Variants in PRKN observed in about 807,000 individuals in gnomAD.
The protein encoded by PRKN is parkin RBR E3 ubiquitin protein ligase, also known as E3 ubiquitin-protein ligase parkin.
Under a neutral mutation model 59.5 loss-of-function variants are expected in PRKN, and 56 were observed. That is an observed-to-expected ratio of 0.94 (90% CI 0.76 to 1.18). The LOEUF (loss-of-function observed/expected upper bound fraction) is 1.18. Among genes scored for constraint, PRKN ranks in the 50% most tolerant of loss-of-function variants. The pLI is 0.00. For missense variants in PRKN, 657 were observed against 596.4 expected, an observed-to-expected ratio of 1.10 and a Z score of -1.06; for synonymous variants, 250 against 222.1, an observed-to-expected ratio of 1.13 and a Z score of -1.12.
intron 1 of PRKN, among the ~76,000 whole-genome samples, chr6:162,489,337 G>A (rs2128184513): frequency 6.6e-6 from 1 of 152,272 alleles, no homozygotes; most frequent in South Asian, 2.1e-4. Context: ...CATTTAGCTT[G>A]TTTCACAGAA....
At chr6:162,198,049 T>C (rs1404009125) in intron 4 of PRKN, among the ~76,000 whole-genome samples, 1 of 151,718 alleles carries the variant, frequency 6.6e-6, no homozygotes, top group Non-Finnish European at 1.5e-5. Flanking sequence ...AATACTGGAG[T>C]TGACATTTTG....
intron 7 of PRKN, among the ~76,000 whole-genome samples, chr6:161,640,455 A>C (rs12202700): frequency 0.24 from 37,032 of 152,160 alleles, 4,687 homozygotes; most frequent in Middle Eastern, 0.36. Context: ...GCTGTGTCGC[A>C]CAGACAGATG....
At chr6:162,381,163 A>G (rs1786464016) in intron 2 of PRKN, among the ~76,000 whole-genome samples, 1 of 152,124 alleles carries the variant, frequency 6.6e-6, no homozygotes, top group Admixed American at 6.6e-5. Flanking sequence ...TCAGCTCAAA[A>G]GACAGTGTCT....
At chr6:161,675,301 G>T (rs974984511) in intron 7 of PRKN, among the ~76,000 whole-genome samples, 6 of 152,104 alleles carry the variant, frequency 3.9e-5, no homozygotes, top group African/African-American at 1.4e-4. Context: ...GAAGATCACC[G>T]ACTAACTACG....
chr6:162,282,923 C>T (rs1163180497), intron 2 of PRKN, among the ~76,000 whole-genome samples: 1 of 151,890 alleles, frequency 6.6e-6, no homozygotes, highest in African/African-American at 2.4e-5. Context: ...AAAAAGACAC[C>T]TGGGAAATTA....
At chr6:162,509,522 G>A (rs1198037219) in intron 1 of PRKN, among the ~76,000 whole-genome samples, 1 of 152,060 alleles carries the variant, frequency 6.6e-6, no homozygotes, top group East Asian at 1.9e-4. Context: ...ATTCTCTCAG[G>A]TAAATCATGC....
chr6:162,220,451 G>A (rs1022368807), intron 3 of PRKN, among the ~76,000 whole-genome samples: 1 of 152,092 alleles, frequency 6.6e-6, no homozygotes, highest in Non-Finnish European at 1.5e-5. Context: ...CAGAGTTCAT[G>A]GGGGAAAAAT....
At chr6:162,576,553 T>C (rs1460106574) in intron 1 of PRKN, among the ~76,000 whole-genome samples, 1 of 152,182 alleles carries the variant, frequency 6.6e-6, no homozygotes, top group Non-Finnish European at 1.5e-5. Flanking sequence ...GGCTCACGCC[T>C]GTAATTCCAG....
chr6:161,670,023 T>C (rs1398953379), intron 7 of PRKN, among the ~76,000 whole-genome samples: 1 of 152,192 alleles, frequency 6.6e-6, no homozygotes, highest in African/African-American at 2.4e-5. Flanking sequence ...GACATAGGAA[T>C]GTGTGTTAGA....
chr6:161,776,671 C>T (rs1789939097), intron 7 of PRKN, among the ~76,000 whole-genome samples: 1 of 152,144 alleles, frequency 6.6e-6, no homozygotes, highest in South Asian at 2.1e-4. Context: ...ATGGCCTTGG[C>T]ATTGGGATCT....
Position 161,414,223 on chromosome 6 carries a change from A to G in PRKN, c.1084-27346T>C, listed in dbSNP as rs553493558. 6.6e-6 allele frequency among the ~76,000 whole-genome samples: 1 copy of G among 152,296 alleles called. No individual in the cohort carries two copies. The highest frequency in any genetic ancestry group is 1.5e-5 in the Non-Finnish European group (1 of 68,032). On this transcript the variant is annotated intron_variant, in intron 9 of 11. Coordinates refer to ENST00000366898, the MANE Select transcript of PRKN (RefSeq NM_004562.3). This position sits in a 1 kb window ranked among gnomAD's most constrained non-coding sequence, Gnocchi z 5.3. ...CAATTTTGCAGAAGAGGCTCTTTCC[A>G]GCATTTTCTCCCCAGATGTCAGAGC...
intron 5 of PRKN, among the ~76,000 whole-genome samples, chr6:162,043,736 G>C (rs776102205): frequency 1.3e-5 from 2 of 152,188 alleles, no homozygotes; most frequent in Non-Finnish European, 2.9e-5. Flanking sequence ...CAACAGAAAA[G>C]GGTCCTCAGT....
At chr6:162,539,384 T>C (rs751653947) in intron 1 of PRKN, among the ~76,000 whole-genome samples, 18 of 152,212 alleles carry the variant, frequency 1.2e-4, no homozygotes, top group Admixed American at 2.6e-4. Context: ...GTCCCTGATA[T>C]GTCAATTTGC....
chr6:161,596,190 G>A (rs896160650), intron 7 of PRKN, among the ~76,000 whole-genome samples: 2 of 152,088 alleles, frequency 1.3e-5, no homozygotes, highest in African/African-American at 4.8e-5. Flanking sequence ...TTGAGCATGA[G>A]GCAGAACGCA....
At chr6:161,813,689 G>A (rs1451336495) in intron 6 of PRKN, among the ~76,000 whole-genome samples, 3 of 152,254 alleles carry the variant, frequency 2.0e-5, no homozygotes, top group Non-Finnish European at 2.9e-5. Context: ...CCTGATCTCT[G>A]GCTGCCAGCT....
At chr6:162,060,483 A>C (rs1431889416) in intron 4 of PRKN, among the ~76,000 whole-genome samples, 1 of 152,238 alleles carries the variant, frequency 6.6e-6, no homozygotes, top group Non-Finnish European at 1.5e-5. Context: ...ATGACCCCAC[A>C]GAGGGAAAGC....
chr6:161,634,142 C>T (rs541361753), intron 7 of PRKN, among the ~76,000 whole-genome samples: 15 of 152,086 alleles, frequency 9.9e-5, no homozygotes, highest in East Asian at 7.8e-4. Flanking sequence ...TGAGTCAGAA[C>T]GGAGAAACGG....
At chr6:161,537,697 C>A (rs541942664) in intron 9 of PRKN, among the ~76,000 whole-genome samples, 3 of 152,150 alleles carry the variant, frequency 2.0e-5, no homozygotes, top group African/African-American at 7.2e-5. Flanking sequence ...GTGATCCGCC[C>A]GCCTTAGCCT....
intron 1 of PRKN, among the ~76,000 whole-genome samples, chr6:162,501,645 C>A (rs778709593): frequency 6.6e-6 from 1 of 151,898 alleles, no homozygotes; most frequent in Non-Finnish European, 1.5e-5. Context: ...TGTGAGCCAC[C>A]GCGCCCGGCC....
Sources: allele counts gnomAD v4.1 joint callset (sites outside exome capture counted in the v4.1 genomes callset), GRCh38; gene constraint gnomAD v4.1.1; non-coding constraint Gnocchi (gnomAD v3.1); transcripts MANE v1.5; gene names NCBI Gene and HGNC (gene_info 2026-07-23, HGNC 2026-07-21).